ROBO2: variants seen among roughly 807,000 people sequenced by gnomAD.
ROBO2 encodes the protein roundabout guidance receptor 2, also known as roundabout homolog 2.
Under a neutral mutation model 160.8 loss-of-function variants are expected in ROBO2, and 53 were observed. The observed-to-expected ratio is 0.33, with a 90% CI of 0.26 to 0.41. The LOEUF is 0.41. Ranked by LOEUF, ROBO2 falls within the 10% of genes least tolerant of loss-of-function variation. The pLI, the probability that ROBO2 is intolerant of heterozygous loss-of-function variation, is 1.00. For synonymous variants in ROBO2, 664 were observed against 611.7 expected, an observed-to-expected ratio of 1.09 and a Z score of -1.26; for missense variants, 1,577 against 1,722.4, an observed-to-expected ratio of 0.92 and a Z score of 1.49.
At chr3:77,015,450 C>G (rs1431813107) in intron 2 of ROBO2, among the ~76,000 whole-genome samples, 3 of 152,134 alleles carry the variant, frequency 2.0e-5, no homozygotes, top group Admixed American at 2.0e-4. Flanking sequence ...CTTGGAATGT[C>G]TCCTAAAAGG....
chr3:76,606,807 A>G (rs935692485), intron 2 of ROBO2, among the ~76,000 whole-genome samples: 2 of 152,124 alleles, frequency 1.3e-5, no homozygotes, highest in African/African-American at 4.8e-5. Context: ...TACTTTGAGG[A>G]GAGGTCCCAT....
intron 2 of ROBO2, among the ~76,000 whole-genome samples, chr3:76,342,401 C>A (rs544031966): frequency 6.6e-6 from 1 of 152,198 alleles, no homozygotes; most frequent in East Asian, 1.9e-4. Context: ...CCCCCTTGAA[C>A]CCAAGTCTTA....
rs138750939 is a variant in ROBO2 at position 76,847,963 on chromosome 3, T to C, written c.110-250051T>C. ...TTATAATTATTTCATTGATAAAAAT[T>C]AAAAACCTTTGGGTGATCCTGGAAT... On this transcript the variant is annotated intron_variant, in intron 2 of 26. Transcript: ENST00000487694. Among the ~76,000 whole-genome samples the C allele has an allele frequency of 1.2e-3, 190 of 152,244 alleles. 1 individual carries two copies. The highest frequency in any genetic ancestry group is 4.4e-3 in the African/African-American group (184 of 41,556).
chr3:77,182,719 T>C (rs1189702507), intron 2 of ROBO2, among the ~76,000 whole-genome samples: 1 of 152,014 alleles, frequency 6.6e-6, no homozygotes, highest in East Asian at 1.9e-4. Context: ...TGCAATGAGT[T>C]GGTGCTCTCA....
chr3:77,234,168 CCCTT>C (rs531591404), intron 2 of ROBO2, among the ~76,000 whole-genome samples: 88 of 152,212 alleles, frequency 5.8e-4, no homozygotes, highest in African/African-American at 1.9e-3. Context: ...ACAGGATCCT[CCCTT>C]CATTCCAGGG....
At chr3:76,701,910 T>C (rs1237634710) in intron 2 of ROBO2, among the ~76,000 whole-genome samples, 2 of 151,712 alleles carry the variant, frequency 1.3e-5, no homozygotes, top group Non-Finnish European at 1.5e-5. Context: ...GAACTGTATG[T>C]ATTTAGAAAT....
At chr3:77,336,375 A>G (rs2066497028) in intron 2 of ROBO2, among the ~76,000 whole-genome samples, 1 of 152,090 alleles carries the variant, frequency 6.6e-6, no homozygotes, top group Non-Finnish European at 1.5e-5. Context: ...CTGTTTGTCT[A>G]CTAGCCTTCT....
At chr3:76,691,223 T>C (rs1226152542) in intron 2 of ROBO2, among the ~76,000 whole-genome samples, 1 of 152,062 alleles carries the variant, frequency 6.6e-6, no homozygotes, top group African/African-American at 2.4e-5. Context: ...AATTTTTCTA[T>C]CTCTGTTTTG....
intron 2 of ROBO2, among the ~76,000 whole-genome samples, chr3:76,885,750 C>T (rs2073813494): frequency 6.6e-6 from 1 of 152,028 alleles, no homozygotes. Flanking sequence ...TCTCTGGGGC[C>T]CTTGAACACT....
intron 2 of ROBO2, among the ~76,000 whole-genome samples, chr3:76,873,573 A>G (rs145549350): frequency 4.0e-5 from 6 of 151,806 alleles, no homozygotes; most frequent in South Asian, 2.1e-4. Flanking sequence ...TAGTAGTAGT[A>G]GTCGTCGTCG....
chr3:76,332,619 C>T (rs1455307309), intron 2 of ROBO2, among the ~76,000 whole-genome samples: 6 of 152,158 alleles, frequency 3.9e-5, no homozygotes, highest in Non-Finnish European at 7.3e-5. Context: ...TAGGTGAAAG[C>T]TGTTTACACA....
intron 2 of ROBO2, among the ~76,000 whole-genome samples, chr3:76,627,040 A>G (rs1242399767): frequency 6.6e-6 from 1 of 152,154 alleles, no homozygotes; most frequent in Non-Finnish European, 1.5e-5. Context: ...ATTCAAGGAG[A>G]TGAAAGGGCT....
chr3:76,574,922 G>C (rs1476169132), intron 2 of ROBO2, among the ~76,000 whole-genome samples: 1 of 152,046 alleles, frequency 6.6e-6, no homozygotes, highest in Non-Finnish European at 1.5e-5. Context: ...CTTCCTCTTT[G>C]AATGTTGATT....
intron 24 of ROBO2, among the ~76,000 whole-genome samples, 182 bp downstream of exon 26, chr3:77,643,125 G>A (rs2153723834): frequency 6.6e-6 from 1 of 152,324 alleles, no homozygotes; most frequent in South Asian, 2.1e-4. Context: ...AACGGGCATT[G>A]CTCCTCAGTC....
At chr3:76,549,586 A>G (rs1387291412) in intron 2 of ROBO2, among the ~76,000 whole-genome samples, 1 of 152,218 alleles carries the variant, frequency 6.6e-6, no homozygotes. Flanking sequence ...CCTGTACCTG[A>G]GAATATTCCA....
At chr3:76,231,568 A>G (rs1704623578) in intron 2 of ROBO2, among the ~76,000 whole-genome samples, 1 of 152,250 alleles carries the variant, frequency 6.6e-6, no homozygotes, top group East Asian at 1.9e-4. Flanking sequence ...GTCAGTGCCT[A>G]TTATGAGATT....
chr3:76,408,314 T>C (rs1309599282), intron 2 of ROBO2, among the ~76,000 whole-genome samples: 1 of 152,110 alleles, frequency 6.6e-6, no homozygotes, highest in Non-Finnish European at 1.5e-5. Context: ...GGTTTTTTGC[T>C]ATTAAATTCA....
intron 21 of ROBO2, among the ~76,000 whole-genome samples, chr3:77,614,125 A>G (rs2094712827): frequency 6.6e-6 from 1 of 152,242 alleles, no homozygotes; most frequent in African/African-American, 2.4e-5. Context: ...CAATGGATGG[A>G]ATAAAGAGAA....
chr3:76,607,287 CTGAG>C (rs1191384976), intron 2 of ROBO2, among the ~76,000 whole-genome samples: 2 of 152,076 alleles, frequency 1.3e-5, no homozygotes, highest in Non-Finnish European at 2.9e-5. Context: ...CCTCAGCCTC[CTGAG>C]TATCTGGGGC....
Sources: allele counts gnomAD v4.1 joint callset (sites outside exome capture counted in the v4.1 genomes callset), GRCh38; gene constraint gnomAD v4.1.1; transcripts MANE v1.5; gene names NCBI Gene and HGNC (gene_info 2026-07-23, HGNC 2026-07-21).